Variants in RRP1 observed in about 807,000 individuals in gnomAD.
RRP1 encodes the protein ribosomal RNA processing 1, also known as ribosomal RNA processing protein 1 homolog A.
Under a neutral mutation model 54.6 loss-of-function variants are expected in RRP1, and 37 were observed. That is an observed-to-expected ratio of 0.68 (90% CI 0.52 to 0.89). The LOEUF (loss-of-function observed/expected upper bound fraction) is 0.89, where lower values mean the gene tolerates loss of function less well. Ranked by LOEUF, RRP1 falls within the 40% of genes least tolerant of loss-of-function variation. RRP1 has a pLI of 0.00. For synonymous variants in RRP1, 262 were observed against 244.3 expected (o/e 1.07, Z -0.67); for missense variants, 639 against 612.5 (o/e 1.04, Z -0.46).
At chr21:43,798,517 G>A (rs1022324969) in intron 8 of RRP1, among the ~76,000 whole-genome samples, 2 of 152,142 alleles carry the variant, frequency 1.3e-5, no homozygotes, top group Non-Finnish European at 2.9e-5. Context: ...TCTGTGGCAC[G>A]GGATGTGAAT....
intron 5 of RRP1, among the ~76,000 whole-genome samples, chr21:43,796,235 T>G (rs2085017244): frequency 6.6e-6 from 1 of 152,094 alleles, no homozygotes; most frequent in Non-Finnish European, 1.5e-5. Context: ...CAGCGGTGCC[T>G]CTGGTTTGGA....
intron 12 of RRP1, 110 bp from the exon 13 acceptor site, chr21:43,803,402 C>CGTGTT (rs2085112639): frequency 7.2e-7 from 1 of 1,395,392 alleles, no homozygotes; most frequent in Admixed American, 2.7e-5. Flanking sequence ...CTGTTGTGGC[C>CGTGTT]GTGTTGTCCT....
At chr21:43,801,728 T>A (rs2085094041) in intron 11 of RRP1, among the ~76,000 whole-genome samples, 1 of 152,102 alleles carries the variant, frequency 6.6e-6, no homozygotes, top group South Asian at 2.1e-4. Flanking sequence ...GTGAGGTGCG[T>A]GAGGATCGTG....
At chr21:43,798,860 A>G (rs2123417308) in intron 8 of RRP1, among the ~76,000 whole-genome samples, 1 of 152,250 alleles carries the variant, frequency 6.6e-6, no homozygotes, top group South Asian at 2.1e-4. Flanking sequence ...GCCCCAAATC[A>G]GTGCTGTGGC....
chr21:43,798,780 T>A (rs1184803937), intron 8 of RRP1, among the ~76,000 whole-genome samples: 1 of 152,092 alleles, frequency 6.6e-6, no homozygotes, highest in Non-Finnish European at 1.5e-5. Context: ...TGCTGGGTGG[T>A]CTGAGCTCTA....
intron 9 of RRP1, 70 bp downstream of exon 9, chr21:43,799,719 G>C: frequency 7.0e-7 from 1 of 1,428,504 alleles, no homozygotes; most frequent in Non-Finnish European, 9.7e-7. Flanking sequence ...CTCTGGAAGA[G>C]GAGGGGGGCG....
intron 8 of RRP1, among the ~76,000 whole-genome samples, chr21:43,798,325 C>G (rs1343532800): frequency 1.3e-5 from 2 of 152,136 alleles, no homozygotes; most frequent in Non-Finnish European, 2.9e-5. Context: ...CCTCTCCGGA[C>G]CCCTGGGCTC....
Position 43,792,715 on chromosome 21 carries a change from A to G in RRP1, c.260A>G (p.Gln87Arg), listed in dbSNP as rs371605643. The change falls in exon 3 of 13, where the codon CAG (glutamine) becomes CGG (arginine). Residue 87 changes from glutamine to arginine, a missense_variant. Gln to Arg is a conservative substitution (Grantham distance 43). Coordinates refer to ENST00000497547, the MANE Select transcript of RRP1 (RefSeq NM_003683.6). Reference protein sequence around the residue: ...RTISQLVHAFQTTEAQHLFLQ... With the variant: ...RTISQLVHAFRTTEAQHLFLQ... ...ATTTCCCAGCTCGTTCATGCTTTTC[A>G]GACCACGGAGGCGCGTGAGTATGCT... The G allele has an allele frequency of 1.2e-5, 19 of 1,614,140 alleles. No individual in the cohort carries two copies. The African/African-American group carries it at 2.4e-4, about 20-fold the overall frequency.
chr21:43,800,575 C>T lies in RRP1; in HGVS notation c.950C>T (p.Pro317Leu). The T allele has an allele frequency of 6.2e-7, 1 of 1,614,268 alleles. No individual in the cohort carries two copies. Among genetic ancestry groups the T allele is most frequent in the South Asian group, 1.1e-5 (1 of 91,090 alleles). ...LFEMASRQST[P>L]SQNRKRLYKV... ...GAAATGGCCAGCCGCCAGAGCACCC[C>T]TTCTCAGAACAGAAAGCGTCTCTAC... The change falls in exon 10 of 13, where the codon CCT becomes CTT. Residue 317 changes from proline to leucine, a missense_variant. Physicochemically the swap from Pro to Leu is moderately conservative, Grantham distance 98. Transcript: ENST00000497547.
intron 10 of RRP1, 41 bp from the exon 11 acceptor site, chr21:43,800,821 G>C (rs1342445733): frequency 6.2e-7 from 1 of 1,612,534 alleles, no homozygotes; most frequent in Admixed American, 1.7e-5. Context: ...TCCTGCGGAA[G>C]CCGCAGCTGT....
At chr21:43,790,952 T>C (rs2084950490) in intron 1 of RRP1, 3 of 450,118 alleles carry the variant, frequency 6.7e-6, no homozygotes, top group South Asian at 4.8e-5. Context: ...TTTTAGTATT[T>C]GAGATATATT....
chr21:43,792,867 CTG>C lies in RRP1; in HGVS notation c.274+141_274+142del, dbSNP rs1484777366. ...AGGGCAAGAGAGCGCCAGCTGGTGTCTGTGGGTGCTTAGCATGTGTGCAGTGC... is the reference window on the plus strand; with the variant it reads ...AGGGCAAGAGAGCGCCAGCTGGTGTCTGGGTGCTTAGCATGTGTGCAGTGC... On this transcript the variant is annotated intron_variant, in intron 3 of 12. Transcript: ENST00000497547. The C allele has an allele frequency of 1.8e-5, 15 of 845,242 alleles. No homozygotes were observed. The East Asian group carries it at 3.7e-4, about 21-fold the overall frequency. 52.4% of individuals were successfully genotyped at this position (845,242 alleles called of 1,614,324 possible).
intron 5 of RRP1, among the ~76,000 whole-genome samples, chr21:43,796,444 G>T (rs1361497689): frequency 6.6e-6 from 1 of 152,200 alleles, no homozygotes. Context: ...TGAGAATTCA[G>T]CACAGGAATC....
At chr21:43,800,833 G>A in intron 10 of RRP1, 29 bp from the exon 11 acceptor site, 1 of 1,613,222 alleles carries the variant, frequency 6.2e-7, no homozygotes, top group Non-Finnish European at 8.5e-7. Flanking sequence ...CGCAGCTGTG[G>A]TAAGTGGGTA....
chr21:43,799,986 C>T (rs1010047314), intron 9 of RRP1, among the ~76,000 whole-genome samples: 12 of 152,196 alleles, frequency 7.9e-5, no homozygotes, highest in African/African-American at 1.2e-4. Context: ...GCGGCCCCCT[C>T]GTTGGGGTGC....
At chr21:43,802,873 C>T (rs1236182447) in intron 12 of RRP1, among the ~76,000 whole-genome samples, 3 of 152,264 alleles carry the variant, frequency 2.0e-5, no homozygotes, top group Admixed American at 1.3e-4. Context: ...CCAGGGGCAA[C>T]CCTGGGTCCG....
At chr21:43,799,022 G>T (rs1023065897) in intron 8 of RRP1, among the ~76,000 whole-genome samples, 1 of 151,402 alleles carries the variant, frequency 6.6e-6, no homozygotes, top group Non-Finnish European at 1.5e-5. Context: ...GCCTGCTGCT[G>T]GCCCCCTGCT....
chr21:43,792,774 A>G, intron 3 of RRP1, 45 bp downstream of exon 3: 1 of 1,595,956 alleles, frequency 6.3e-7, no homozygotes, highest in Non-Finnish European at 8.6e-7. Flanking sequence ...AGATGTCAGA[A>G]CCTCTGAGCA....
rs1331015701 is a variant in RRP1 at position 43,804,106 on chromosome 21, G to C, written c.*332G>C. On this transcript the variant is annotated 3_prime_UTR_variant, in exon 13 of 13. Coordinates refer to ENST00000497547, the MANE Select transcript of RRP1 (RefSeq NM_003683.6). This position sits in a 1 kb window ranked among gnomAD's most constrained non-coding sequence, Gnocchi z 4.3. The stretch of plus-strand genomic sequence containing the variant: ...TGCCGCGCAGCCCTTGCCAGGGGAA[G>C]TGTCGCTTCAGGTGTGTCCTACGGA... The C allele has an allele frequency of 3.4e-6, 1 of 297,618 alleles. No individual in the cohort carries two copies. The highest frequency in any genetic ancestry group is 6.2e-6 in the Non-Finnish European group (1 of 160,728). 18.4% of individuals were successfully genotyped at this position (297,618 alleles called of 1,614,324 possible).
Sources: gnomAD v4.1 joint callset for allele counts (sites outside exome capture counted in the v4.1 genomes callset) on GRCh38, gnomAD v4.1.1 for gene constraint, Gnocchi (gnomAD v3.1) non-coding constraint, MANE v1.5 for transcripts, NCBI Gene and HGNC (gene_info 2026-07-23, HGNC 2026-07-21) for gene names.